Variants in RBFOX3 observed in about 807,000 individuals in gnomAD.
RBFOX3 encodes RNA binding protein fox-1 homolog 3.
Under a neutral mutation model 48.7 loss-of-function variants are expected in RBFOX3, and 17 were observed. The ratio of observed to expected loss-of-function variants is 0.35; its 90% confidence interval spans 0.24 to 0.52. The LOEUF is 0.52. RBFOX3 is among the 20% of genes least tolerant of loss of function. RBFOX3 has a pLI of 0.94. For missense variants in RBFOX3, 382 were observed against 497.5 expected (o/e 0.77, Z 2.21); for synonymous variants, 212 against 209.5 (o/e 1.01, Z -0.10).
intron 1 of RBFOX3, among the ~76,000 whole-genome samples, chr17:79,557,924 C>G (rs961875142): frequency 2.0e-5 from 3 of 152,052 alleles, no homozygotes; most frequent in Non-Finnish European, 2.9e-5. Context: ...AGGGGACGGC[C>G]GGGAGACAGA....
chr17:79,356,373 T>TTTGTTTTTGTTTTTG (rs1555684870), intron 2 of RBFOX3, among the ~76,000 whole-genome samples: 2 of 88,992 alleles, frequency 2.2e-5, no homozygotes, highest in Non-Finnish European at 4.5e-5. Flanking sequence ...TTTTTTTTTT[T>TTTGTTTTTGTTTTTG]TTTTTTTTTT....
chr17:79,370,565 GCTCA>G (rs3073209), intron 2 of RBFOX3, among the ~76,000 whole-genome samples: 17,962 of 151,240 alleles, frequency 0.12, 1,326 homozygotes, highest in African/African-American at 0.2. Flanking sequence ...ATACATGTGT[GCTCA>G]CTCACACAGG....
intron 1 of RBFOX3, among the ~76,000 whole-genome samples, chr17:79,522,996 T>C (rs2086324405): frequency 6.7e-6 from 1 of 150,194 alleles, no homozygotes; most frequent in South Asian, 2.1e-4. Flanking sequence ...AGGATGGACT[T>C]TGGGGACATT....
At chr17:79,140,622 A>G (rs1336089431) in intron 4 of RBFOX3, among the ~76,000 whole-genome samples, 1 of 152,266 alleles carries the variant, frequency 6.6e-6, no homozygotes, top group Admixed American at 6.5e-5. Context: ...TCGGAAGCAC[A>G]GCATGACAGA....
chr17:79,595,497 T>C lies in RBFOX3; in HGVS notation c.-320+15329A>G, dbSNP rs965104268. 3.3e-3 allele frequency among the ~76,000 whole-genome samples: 508 copies of C among 152,366 alleles called. 2 individuals carry two copies. The highest frequency in any genetic ancestry group is 0.012 in the African/African-American group (488 of 41,590). On this transcript the variant is annotated intron_variant, in intron 1 of 14. Coordinates refer to ENST00000693108, the MANE Select transcript of RBFOX3 (RefSeq NM_001350451.2). The stretch of plus-strand genomic sequence containing the variant: ...GTCTTTCTTTTCCACGAAAATGGAC[T>C]GTGGGTCTCTTTCCACATCCATGGA...
chr17:79,107,181 G>C (rs1171650435), intron 5 of RBFOX3, among the ~76,000 whole-genome samples: 1 of 152,220 alleles, frequency 6.6e-6, no homozygotes, highest in African/African-American at 2.4e-5. Context: ...GGACCCCACT[G>C]TCTTTCAAGT....
intron 1 of RBFOX3, among the ~76,000 whole-genome samples, chr17:79,522,929 CAAAAAAAAAAAAAA>C (rs34245309): frequency 3.1e-5 from 1 of 31,976 alleles, no homozygotes; most frequent in Non-Finnish European, 8.4e-5. Flanking sequence ...GACTCCGTCT[CAAAAAAAAAAAAAA>C]AAAAAAAAAA....
chr17:79,210,396 C>G (rs983713299), intron 4 of RBFOX3, among the ~76,000 whole-genome samples: 2 of 152,182 alleles, frequency 1.3e-5, no homozygotes, highest in Non-Finnish European at 2.9e-5. Context: ...TGCTTTTTCA[C>G]TTGATGATAT....
At chr17:79,454,374 C>T (rs1415378002) in intron 2 of RBFOX3, among the ~76,000 whole-genome samples, 1 of 152,152 alleles carries the variant, frequency 6.6e-6, no homozygotes, top group Non-Finnish European at 1.5e-5. Flanking sequence ...TGTATCCCTG[C>T]CCAGCCCCTC....
intron 4 of RBFOX3, among the ~76,000 whole-genome samples, chr17:79,216,188 G>C (rs2059018206): frequency 6.6e-6 from 1 of 152,238 alleles, no homozygotes; most frequent in Non-Finnish European, 1.5e-5. Context: ...CCCCCAGCTG[G>C]GTGGGGAGAG....
intron 4 of RBFOX3, among the ~76,000 whole-genome samples, chr17:79,145,660 T>C (rs906486127): frequency 6.6e-6 from 1 of 152,198 alleles, no homozygotes; most frequent in African/African-American, 2.4e-5. Context: ...AAATGGGGCA[T>C]TCGCCGCTCT....
intron 1 of RBFOX3, among the ~76,000 whole-genome samples, chr17:79,560,577 C>T (rs903417004): frequency 2.6e-5 from 4 of 152,296 alleles, no homozygotes; most frequent in Admixed American, 6.5e-5. Flanking sequence ...TTGAAGAATA[C>T]GCACTCCAGG....
At chr17:79,636,337 TAC>T in the RBFOX3 span, among the ~76,000 whole-genome samples, 1 of 152,088 alleles carries the variant, frequency 6.6e-6, no homozygotes, top group African/African-American at 2.4e-5. Flanking sequence ...CTGAAAAAAA[TAC>T]ACTACCAATT....
intron 4 of RBFOX3, among the ~76,000 whole-genome samples, chr17:79,155,549 T>A (rs1163399182): frequency 1.3e-5 from 2 of 152,208 alleles, no homozygotes; most frequent in Non-Finnish European, 2.9e-5. Flanking sequence ...ATGGTAATGC[T>A]GTACGGCAGA....
At chr17:79,579,711 A>G (rs914350616) in intron 1 of RBFOX3, among the ~76,000 whole-genome samples, 35 of 140,640 alleles carry the variant, frequency 2.5e-4, no homozygotes, top group East Asian at 1.5e-3. Flanking sequence ...CACTGGCGCC[A>G]TGGTGGGGAG....
intron 1 of RBFOX3, among the ~76,000 whole-genome samples, chr17:79,493,274 C>G (rs971755734): frequency 6.6e-6 from 1 of 152,146 alleles, no homozygotes; most frequent in Non-Finnish European, 1.5e-5. Flanking sequence ...GGGATCCGCC[C>G]CCATGATCCA....
At chr17:79,110,801 C>T (rs1001789545) in intron 5 of RBFOX3, among the ~76,000 whole-genome samples, 5 of 152,210 alleles carry the variant, frequency 3.3e-5, no homozygotes, top group African/African-American at 9.6e-5. Flanking sequence ...GCCTCTGCAC[C>T]GTGGCACGGG....
intron 2 of RBFOX3, among the ~76,000 whole-genome samples, chr17:79,478,036 A>G (rs2078198332): frequency 6.6e-6 from 1 of 152,104 alleles, no homozygotes. Flanking sequence ...GTATAACTAA[A>G]TGAAGCCATG....
intron 2 of RBFOX3, among the ~76,000 whole-genome samples, chr17:79,313,520 C>T (rs1398844694): frequency 6.6e-6 from 1 of 152,196 alleles, no homozygotes; most frequent in Non-Finnish European, 1.5e-5. Flanking sequence ...GGGCTCTGGT[C>T]AGTGTAGGGG....
Sources: allele counts gnomAD v4.1 joint callset (sites outside exome capture counted in the v4.1 genomes callset), GRCh38; gene constraint gnomAD v4.1.1; transcripts MANE v1.5; gene names NCBI Gene and HGNC (gene_info 2026-07-23, HGNC 2026-07-21).